The following MACROD2 variants were observed in gnomAD, a reference collection of about 807,000 sequenced individuals.
MACROD2 encodes the protein ADP-ribose glycohydrolase MACROD2.
Under a neutral mutation model 70.4 loss-of-function variants are expected in MACROD2, and 36 were observed. The observed-to-expected ratio is 0.51, with a 90% CI of 0.39 to 0.68. MACROD2 has a LOEUF of 0.68. Among genes scored for constraint, MACROD2 ranks in the 30% least tolerant of loss-of-function variants. MACROD2 has a pLI of 0.00. For synonymous variants in MACROD2, 172 were observed against 178.8 expected (o/e 0.96, Z 0.30); for missense variants, 496 against 538.4 (o/e 0.92, Z 0.78).
At chr20:15,607,601 T>G (rs1020593810) in intron 8 of MACROD2, among the ~76,000 whole-genome samples, 1 of 152,240 alleles carries the variant, frequency 6.6e-6, no homozygotes, top group African/African-American at 2.4e-5. Flanking sequence ...TGGCACTATC[T>G]TGGCTCACTG....
At chr20:15,636,344 T>A (rs891820048) in intron 8 of MACROD2, among the ~76,000 whole-genome samples, 21 of 152,194 alleles carry the variant, frequency 1.4e-4, no homozygotes, top group African/African-American at 4.8e-4. Context: ...AGCTGCATCA[T>A]TGAAGCAAGT....
chr20:14,920,680 C>T (rs142973735), intron 5 of MACROD2, among the ~76,000 whole-genome samples: 1 of 152,150 alleles, frequency 6.6e-6, no homozygotes, highest in African/African-American at 2.4e-5. Context: ...GTTATCATAG[C>T]TATGTGCAAT....
At chr20:15,822,427 A>T (rs888847397) in intron 8 of MACROD2, among the ~76,000 whole-genome samples, 1 of 152,234 alleles carries the variant, frequency 6.6e-6, no homozygotes. Context: ...TGAAATAGTT[A>T]TGATAAAATA....
chr20:15,740,339 A>G (rs994591908), intron 8 of MACROD2, among the ~76,000 whole-genome samples: 2 of 152,186 alleles, frequency 1.3e-5, no homozygotes, highest in Admixed American at 6.5e-5. Flanking sequence ...GTAACAGCCT[A>G]GTACGATTTA....
chr20:14,652,419 C>T (rs1270117086), intron 4 of MACROD2, among the ~76,000 whole-genome samples: 7 of 152,148 alleles, frequency 4.6e-5, no homozygotes, highest in Non-Finnish European at 1.0e-4. Context: ...ATCATTTATT[C>T]CACTAGAATT....
intron 3 of MACROD2, among the ~76,000 whole-genome samples, chr20:14,111,951 G>A (rs749648608): frequency 5.3e-5 from 8 of 151,918 alleles, no homozygotes; most frequent in Non-Finnish European, 1.2e-4. Flanking sequence ...TTTGGAAGCA[G>A]CCTAAGTGCC....
In MACROD2 at chr20:14,233,919, G is replaced by A. The variant is rs138941521; in HGVS notation, c.271+148191G>A. 4.1e-4 allele frequency among the ~76,000 whole-genome samples: 63 copies of A among 152,132 alleles called. No homozygotes were observed. The East Asian group carries it at 0.012, about 28-fold the overall frequency. ...GGAGTTGAGTAGGAGGAGTGAATAG[G>A]TTGAGCATATGGCAGTTTTAGGGCC... On this transcript the variant is annotated intron_variant, in intron 3 of 17. Transcript: ENST00000684519.
intron 9 of MACROD2, among the ~76,000 whole-genome samples, chr20:15,878,994 G>A (rs558032891): frequency 5.9e-5 from 9 of 152,164 alleles, no homozygotes; most frequent in African/African-American, 1.7e-4. Flanking sequence ...CAAAAACAGC[G>A]TCTATTATGA....
chr20:14,370,106 G>C (rs2083308349), intron 3 of MACROD2, among the ~76,000 whole-genome samples: 1 of 152,098 alleles, frequency 6.6e-6, no homozygotes, highest in African/African-American at 2.4e-5. Context: ...ATTTATCTCA[G>C]CTATTATGAA....
At chr20:15,433,013 A>AT (rs2046382244) in intron 7 of MACROD2, among the ~76,000 whole-genome samples, 1 of 152,062 alleles carries the variant, frequency 6.6e-6, no homozygotes, top group Non-Finnish European at 1.5e-5. Flanking sequence ...ATCCTTTATG[A>AT]TAAAAACCCT....
At chr20:14,071,840 C>T (rs983989307) in intron 2 of MACROD2, among the ~76,000 whole-genome samples, 3 of 151,832 alleles carry the variant, frequency 2.0e-5, no homozygotes, top group South Asian at 2.1e-4. Context: ...GAGGCCAAGG[C>T]GGAAGGATTG....
intron 5 of MACROD2, among the ~76,000 whole-genome samples, chr20:15,180,641 T>C (rs1031503120): frequency 6.6e-6 from 1 of 152,218 alleles, no homozygotes; most frequent in Non-Finnish European, 1.5e-5. Flanking sequence ...AGCTTTTCTC[T>C]TCTCTAGAAG....
chr20:15,481,974 T>G (rs1428034057), intron 7 of MACROD2, among the ~76,000 whole-genome samples: 1 of 152,004 alleles, frequency 6.6e-6, no homozygotes, highest in South Asian at 2.1e-4. Context: ...CATTGGGGGG[T>G]TTGTGAATCA....
chr20:15,545,506 G>C (rs1304331760), intron 8 of MACROD2, among the ~76,000 whole-genome samples: 3 of 152,176 alleles, frequency 2.0e-5, no homozygotes, highest in African/African-American at 7.2e-5. Flanking sequence ...GAGTGAGTCT[G>C]TTGCATTGTG....
At chr20:15,274,912 A>T (rs2146075714) in intron 6 of MACROD2, among the ~76,000 whole-genome samples, 1 of 152,244 alleles carries the variant, frequency 6.6e-6, no homozygotes, top group East Asian at 1.9e-4. Context: ...ACCACTGGAG[A>T]TGAGGTGTGG....
At chr20:14,183,743 T>A (rs1350775263) in intron 3 of MACROD2, among the ~76,000 whole-genome samples, 1 of 152,106 alleles carries the variant, frequency 6.6e-6, no homozygotes, top group Non-Finnish European at 1.5e-5. Flanking sequence ...ACTGGTGTGG[T>A]ATAGTATCTC....
At chr20:15,803,776 C>T (rs1214577644) in intron 8 of MACROD2, among the ~76,000 whole-genome samples, 1 of 152,174 alleles carries the variant, frequency 6.6e-6, no homozygotes, top group Admixed American at 6.5e-5. Flanking sequence ...CCATCCAACA[C>T]ACTCATCAAA....
chr20:15,420,813 T>C (rs772223459), intron 6 of MACROD2, among the ~76,000 whole-genome samples: 2 of 152,114 alleles, frequency 1.3e-5, no homozygotes, highest in Non-Finnish European at 2.9e-5. Context: ...ACGCTGGATA[T>C]GGGAGTTCTT....
rs1350749051 is a variant in MACROD2 at position 13,995,612 on chromosome 20, A to AGAGCGGC, written c.-140_-134dup. On this transcript the variant is annotated 5_prime_UTR_variant, in exon 1 of 18. Transcript: ENST00000684519. This position sits in a 1 kb window ranked among gnomAD's most constrained non-coding sequence, Gnocchi z 4.3. ...GCTGAGGGAGGAGGGCGGCGACTGG[A>AGAGCGGC]GAGCGGCGAGCGGCGAGCAGCGCAG... is the stretch of plus-strand genomic sequence containing the variant. 3.2e-5 allele frequency: 24 copies of AGAGCGGC among 759,970 alleles called. No individual in the cohort carries two copies. Among genetic ancestry groups the AGAGCGGC allele is most frequent in the Non-Finnish European group, 3.7e-5 (16 of 432,728 alleles). The allele number at this position is 759,970 out of a possible 1,614,324, so 47.1% of individuals were successfully genotyped here. A position where few individuals can be genotyped will look rare whatever the true frequency, so the allele number is the denominator to read the frequency against.
Sources: gnomAD v4.1 joint callset for allele counts (sites outside exome capture counted in the v4.1 genomes callset) on GRCh38, gnomAD v4.1.1 for gene constraint, Gnocchi (gnomAD v3.1) non-coding constraint, MANE v1.5 for transcripts, NCBI Gene and HGNC (gene_info 2026-07-23, HGNC 2026-07-21) for gene names.